Variants in BICRA observed in about 807,000 individuals in gnomAD.
BICRA encodes BRD4-interacting chromatin-remodeling complex-associated protein.
A neutral mutation model predicts 96.9 loss-of-function variants in BICRA; 31 were observed. The observed-to-expected ratio is 0.32, with a 90% CI of 0.24 to 0.43. The LOEUF (loss-of-function observed/expected upper bound fraction) is 0.43. Among genes scored for constraint, BICRA ranks in the 20% least tolerant of loss-of-function variants. The probability of loss-of-function intolerance (pLI) is 1.00; values close to 1 mark genes in which losing one functional copy is unlikely to be tolerated. For synonymous variants in BICRA, 1,350 were observed against 1,071.8 expected, an observed-to-expected ratio of 1.26 and a Z score of -5.07; for missense variants, 2,283 against 2,190.3, an observed-to-expected ratio of 1.04 and a Z score of -0.84.
intron 1 of BICRA, among the ~76,000 whole-genome samples, chr19:47,610,111 C>T (rs1031904314): frequency 6.6e-6 from 1 of 152,240 alleles, no homozygotes. Context: ...AGCCCTTTCC[C>T]CGGGGTGAGC....
intron 1 of BICRA, among the ~76,000 whole-genome samples, chr19:47,625,955 AT>A (rs1240088995): frequency 6.6e-6 from 1 of 152,076 alleles, no homozygotes; most frequent in Non-Finnish European, 1.5e-5. Context: ...CCTGGGTCTT[AT>A]GAGCAAATGG....
chr19:47,625,297 C>T (rs1972124469), intron 1 of BICRA, among the ~76,000 whole-genome samples: 1 of 138,784 alleles, frequency 7.2e-6, no homozygotes, highest in African/African-American at 2.6e-5. Context: ...ACCAACCTGG[C>T]CTTTTTTTTT....
chr19:47,682,363 C>G (rs1973078614), intron 7 of BICRA, among the ~76,000 whole-genome samples: 1 of 152,234 alleles, frequency 6.6e-6, no homozygotes, highest in Non-Finnish European at 1.5e-5. Flanking sequence ...TGCAGGAATG[C>G]AAGACACACA....
intron 1 of BICRA, among the ~76,000 whole-genome samples, chr19:47,635,004 C>T (rs889498805): frequency 4.6e-5 from 7 of 152,144 alleles, no homozygotes; most frequent in South Asian, 2.1e-4. Flanking sequence ...CCTCGTTATC[C>T]GCCCGCCTTG....
At position 47,695,350 on chromosome 19, in the gene BICRA, C is replaced by T; in HGVS notation, c.3077-15C>T. ...TGACCGCAGGCCCTGTCTCCCCCACCCCACCCACCCCCAGGCCTCCCTCCT... is the reference window on the plus strand; with the variant it reads ...TGACCGCAGGCCCTGTCTCCCCCACTCCACCCACCCCCAGGCCTCCCTCCT... On this transcript the variant is annotated splice_polypyrimidine_tract_variant and intron_variant, in intron 9 of 14. Coordinates refer to ENST00000594866, the MANE Select transcript of BICRA (RefSeq NM_001394372.1). 1 of 626,718 alleles carries T rather than the reference C, an allele frequency of 1.6e-6. No individual in the cohort carries two copies. The highest frequency in any genetic ancestry group is 2.9e-5 in the Admixed American group (1 of 34,828). The allele number at this position is 626,718 out of a possible 1,614,324, so 38.8% of individuals were successfully genotyped here.
rs147865673 is a variant in BICRA at position 47,685,362 on chromosome 19, G to C, written c.2283+3210G>C. Among the ~76,000 whole-genome samples, 563 of 152,314 alleles carry C rather than the reference G, an allele frequency of 3.7e-3. 1 individual carries two copies. The highest frequency in any genetic ancestry group is 0.013 in the African/African-American group (539 of 41,574). ...ACGAGCTGATTCTTAGTCACACACAGAGGCTCGGAGGCACAAGGTAGGGCC... is the reference window on the plus strand; with the variant it reads ...ACGAGCTGATTCTTAGTCACACACACAGGCTCGGAGGCACAAGGTAGGGCC... On this transcript the variant is annotated intron_variant, in intron 7 of 14. Transcript: ENST00000594866.
intron 7 of BICRA, among the ~76,000 whole-genome samples, chr19:47,690,792 TTGTGTGTG>T (rs10603971): frequency 6.7e-6 from 1 of 150,274 alleles, no homozygotes; most frequent in Non-Finnish European, 1.5e-5. Flanking sequence ...AATTTGTGGA[TTGTGTGTG>T]TGTGTGTGTG....
intron 1 of BICRA, among the ~76,000 whole-genome samples, chr19:47,660,866 G>C (rs1972693287): frequency 6.6e-6 from 1 of 152,186 alleles, no homozygotes; most frequent in African/African-American, 2.4e-5. Flanking sequence ...TAATGGGCAT[G>C]AGGATAATGG....
In BICRA at chr19:47,694,970, TG is replaced by T; in HGVS notation, c.2970del (p.Leu992SerfsTer54). On this transcript the variant is annotated frameshift_variant, in exon 9 of 15. Transcript: ENST00000594866. LOFTEE classifies it high-confidence loss of function. ...APAAPQTSTSLGPLTSPAASV... is the reference protein window; with the variant it reads ...APAAPQTSTSXGPLTSPAASV... ...GCCGCCCCGCAGACCTCCACCAGCC[TG>T]GGGCCCCTCACCAGCCCCGCTGCGT... The T allele has an allele frequency of 1.3e-6, 2 of 1,555,886 alleles. No individual in the cohort carries two copies.
At position 47,701,374 on chromosome 19, in the gene BICRA, C is replaced by T. The variant is rs1228188155; in HGVS notation, c.3642C>T (p.Ala1214=). ...GCTCGCTCGGCCTCCCCATCGCAGCCTCTTCCGAGGGTCATCGGCTTCCCG... is the reference window on the plus strand; with the variant it reads ...GCTCGCTCGGCCTCCCCATCGCAGCTTCTTCCGAGGGTCATCGGCTTCCCG... ...SSRSLGLPIA[A]SSEGHRLPGH... Residue 1214 remains alanine, a synonymous_variant, in exon 15 of 15, where the codon GCC becomes GCT. Transcript: ENST00000594866. The surrounding 1 kb of genome is among the most constrained non-coding windows in gnomAD (Gnocchi z 5.4). The T allele has an allele frequency of 1.9e-6, 3 of 1,611,188 alleles. No individual in the cohort carries two copies. The African/African-American group carries it at 4.0e-5, about 22-fold the overall frequency.
Position 47,675,811 on chromosome 19 carries a change from T to G in BICRA, c.85-40T>G, listed in dbSNP as rs1475303550. ...TCTGCTCCAGAGCATGGGCCTGCCC[T>G]GCTGACTTTTGACCTTGGATGGGGC... On this transcript the variant is annotated intron_variant, in intron 4 of 14. Transcript: ENST00000594866. This position sits in a 1 kb window ranked among gnomAD's most constrained non-coding sequence, Gnocchi z 4.7. 1.3e-6 allele frequency: 2 copies of G among 1,548,894 alleles called. No homozygotes were observed.
intron 1 of BICRA, chr19:47,626,514 A>C (rs1972141173): frequency 1.3e-5 from 2 of 150,288 alleles, no homozygotes; most frequent in Admixed American, 1.3e-4. Context: ...TTCCTTCCTC[A>C]GCCGCCCAAG....
intron 1 of BICRA, among the ~76,000 whole-genome samples, chr19:47,652,790 C>A (rs746099634): frequency 2.6e-5 from 4 of 152,090 alleles, no homozygotes; most frequent in East Asian, 3.8e-4. Flanking sequence ...ATTCCTGTTC[C>A]GATCTGCCAG....
rs191783386 is a variant in BICRA, at chr19:47,689,535, C to T, written c.2284-4580C>T. The stretch of plus-strand genomic sequence containing the variant: ...AAGCAGTTCTCCCTGCCTCAGCCTC[C>T]GGAGTAGCTGGGATTACAGGTGCAC... On this transcript the variant is annotated intron_variant, in intron 7 of 14. Coordinates refer to ENST00000594866, the MANE Select transcript of BICRA (RefSeq NM_001394372.1). Among the ~76,000 whole-genome samples, 489 of 152,238 alleles carry T rather than the reference C, an allele frequency of 3.2e-3. 7 individuals carry two copies. The highest frequency in any genetic ancestry group is 0.012 in the South Asian group (57 of 4,830).
Position 47,681,202 on chromosome 19 carries a change from G to T in BICRA, c.2032G>T (p.Val678Phe). Reference sequence around the variant, plus strand: ...CCTGGCGTCTAGCCCGGAGAAGATCGTCCTGGGGCAGCCGCCCTCTGCCAC... The same window carrying T: ...CCTGGCGTCTAGCCCGGAGAAGATCTTCCTGGGGCAGCCGCCCTCTGCCAC... Reference protein sequence around the residue: ...PGLASSPEKIVLGQPPSATPT... With the variant: ...PGLASSPEKIFLGQPPSATPT... The change falls in exon 6 of 15, where the codon GTC becomes TTC. Residue 678 changes from valine to phenylalanine, a missense_variant. Transcript: ENST00000594866. The T allele has an allele frequency of 6.5e-7, 1 of 1,534,048 alleles. No individual in the cohort carries two copies. The highest frequency in any genetic ancestry group is 8.7e-7 in the Non-Finnish European group (1 of 1,145,050).
In BICRA at chr19:47,694,383, C is replaced by A; in HGVS notation, c.2552C>A (p.Ala851Asp). The stretch of plus-strand genomic sequence containing the variant: ...GTTCCCCCGCCTGCCAGCAACCCGG[C>A]CCCTACTGCCCCAGGCCCGCCGCAG... ...LGVPPPASNP[A>D]PTAPGPPQPP... Residue 851 changes from alanine (A) to aspartate (D), a missense_variant, in exon 8 of 15, where the codon GCC becomes GAC. Physicochemically the swap from Ala to Asp is moderately radical, Grantham distance 126. Transcript: ENST00000594866. The A allele has an allele frequency of 2.6e-6, 3 of 1,162,432 alleles. No individual in the cohort carries two copies. Among genetic ancestry groups the A allele is most frequent in the Non-Finnish European group, 2.5e-6 (2 of 792,952 alleles). The allele number at this position is 1,162,432 out of a possible 1,614,324, so 72.0% of individuals were successfully genotyped here.
chr19:47,666,593 A>G (rs771466119), intron 1 of BICRA, among the ~76,000 whole-genome samples: 9 of 150,508 alleles, frequency 6.0e-5, no homozygotes, highest in Non-Finnish European at 1.3e-4. Context: ...TCTTTTTGAA[A>G]TGGAGTCTCA....
At chr19:47,621,098 C>T (rs1972058628) in intron 1 of BICRA, among the ~76,000 whole-genome samples, 1 of 152,112 alleles carries the variant, frequency 6.6e-6, no homozygotes, top group African/African-American at 2.4e-5. Flanking sequence ...GTTGACCTCC[C>T]CACTGCTCAG....
chr19:47,693,093 C>T (rs1008820462), intron 7 of BICRA, among the ~76,000 whole-genome samples: 4 of 152,226 alleles, frequency 2.6e-5, no homozygotes, highest in Non-Finnish European at 2.9e-5. Context: ...GCCGGCCATT[C>T]GTGTTAGATC....
Sources: gnomAD v4.1 joint callset for allele counts (sites outside exome capture counted in the v4.1 genomes callset) on GRCh38, gnomAD v4.1.1 for gene constraint, Gnocchi (gnomAD v3.1) non-coding constraint, MANE v1.5 for transcripts, NCBI Gene and HGNC (gene_info 2026-07-23, HGNC 2026-07-21) for gene names.